Variants in PELI1 observed in about 807,000 individuals in gnomAD.
PELI1 encodes E3 ubiquitin-protein ligase pellino homolog 1.
Under a neutral mutation model 41.3 loss-of-function variants are expected in PELI1, and 15 were observed. The ratio of observed to expected loss-of-function variants is 0.36; its 90% CI spans 0.24 to 0.56. The LOEUF is 0.56. Ranked by LOEUF, PELI1 falls within the 20% of genes least tolerant of loss-of-function variation. The probability of loss-of-function intolerance (pLI) is 0.82; values close to 1 mark genes in which losing one functional copy is unlikely to be tolerated. For synonymous variants in PELI1, 178 were observed against 180.1 expected (o/e 0.99, Z 0.09); for missense variants, 403 against 525.5 (o/e 0.77, Z 2.28).
chr2:64,111,559 G>A (rs1004058002), intron 1 of PELI1, among the ~76,000 whole-genome samples: 19 of 151,890 alleles, frequency 1.3e-4, no homozygotes, highest in African/African-American at 2.4e-4. Context: ...AATTCATTAC[G>A]GTATTTAAAA....
intron 1 of PELI1, among the ~76,000 whole-genome samples, chr2:64,142,656 A>C (rs1470522804): frequency 6.6e-6 from 1 of 152,240 alleles, no homozygotes; most frequent in African/African-American, 2.4e-5. Flanking sequence ...AGACATGTAA[A>C]TCTTATCACT....
chr2:64,126,485 G>T (rs1050357927), intron 1 of PELI1, among the ~76,000 whole-genome samples: 1 of 152,092 alleles, frequency 6.6e-6, no homozygotes, highest in African/African-American at 2.4e-5. Context: ...TTAATTTAGT[G>T]CATCTAGAGT....
In PELI1 at chr2:64,096,743, T is replaced by C. The variant is rs1443461414; in HGVS notation, c.304-133A>G. 4 of 606,534 alleles carry C rather than the reference T, an allele frequency of 6.6e-6. No individual in the cohort carries two copies. In the Admixed American group the frequency reaches 1.2e-4, roughly 18 times the overall value. 37.6% of individuals were successfully genotyped at this position (606,534 alleles called of 1,614,324 possible). ...AGTTGAAGTTTACCATACTTAACGC[T>C]GGGGGCATCTATACTCTTGAAAACT... On this transcript the variant is annotated intron_variant, in intron 4 of 6. Coordinates refer to ENST00000358912, the MANE Select transcript of PELI1 (RefSeq NM_020651.4).
rs1576080092 is a variant in PELI1 at position 64,109,704 on chromosome 2, A to C, written c.-69-1325T>G. Among the ~76,000 whole-genome samples, 4 of 152,268 alleles carry C rather than the reference A, an allele frequency of 2.6e-5. No individual in the cohort carries two copies. In the South Asian group the frequency reaches 8.3e-4, roughly 32 times the overall value. On this transcript the variant is annotated intron_variant, in intron 1 of 6. Coordinates refer to ENST00000358912, the MANE Select transcript of PELI1 (RefSeq NM_020651.4). ...TCAAAACAAAAACAGAAACAAAAAC[A>C]AAAACAATGCAAAAGATAATCAATA...
chr2:64,137,192 C>T (rs1681744801), intron 1 of PELI1, among the ~76,000 whole-genome samples: 2 of 152,084 alleles, frequency 1.3e-5, no homozygotes. Context: ...TTTTCCTATG[C>T]CTTTTTTAAT....
At chr2:64,119,200 T>C (rs1681121770) in intron 1 of PELI1, among the ~76,000 whole-genome samples, 2 of 152,116 alleles carry the variant, frequency 1.3e-5, no homozygotes, top group Non-Finnish European at 2.9e-5. Flanking sequence ...TTCCCTAAGA[T>C]GGAAGGAAAT....
chr2:64,129,105 C>T (rs1681474930), intron 1 of PELI1, among the ~76,000 whole-genome samples: 1 of 152,102 alleles, frequency 6.6e-6, no homozygotes, highest in Admixed American at 6.5e-5. Context: ...TGACCATTTG[C>T]CAAAGTGCCA....
At chr2:64,110,254 A>G (rs907026458) in intron 1 of PELI1, among the ~76,000 whole-genome samples, 28 of 129,536 alleles carry the variant, frequency 2.2e-4, no homozygotes, top group Non-Finnish European at 2.7e-4. Flanking sequence ...CAAGAAAAAA[A>G]AAAAAAAAAA....
At chr2:64,114,639 A>G (rs922277279) in intron 1 of PELI1, among the ~76,000 whole-genome samples, 3 of 152,222 alleles carry the variant, frequency 2.0e-5, no homozygotes, top group African/African-American at 7.2e-5. Flanking sequence ...AGGAGTTAAC[A>G]TCTTTCCTAG....
chr2:64,109,089 G>C (rs950009642), intron 1 of PELI1, among the ~76,000 whole-genome samples: 2 of 152,162 alleles, frequency 1.3e-5, no homozygotes, highest in Admixed American at 6.6e-5. Flanking sequence ...CTTTCACCCT[G>C]ATGGCCGGGC....
chr2:64,110,466 C>A (rs769564194), intron 1 of PELI1, among the ~76,000 whole-genome samples: 3 of 151,848 alleles, frequency 2.0e-5, no homozygotes, highest in South Asian at 2.1e-4. Flanking sequence ...TACCAGCAGA[C>A]CCACTATAAA....
chr2:64,098,115 G>A (rs762332550), intron 4 of PELI1, among the ~76,000 whole-genome samples: 2 of 152,114 alleles, frequency 1.3e-5, no homozygotes, highest in Non-Finnish European at 2.9e-5. Flanking sequence ...AGACACTGAA[G>A]CAATATTTGT....
chr2:64,137,454 T>C (rs1269145790), intron 1 of PELI1, among the ~76,000 whole-genome samples: 1 of 152,174 alleles, frequency 6.6e-6, no homozygotes, highest in African/African-American at 2.4e-5. Context: ...GTTTTGATAC[T>C]TAGTATTAAG....
At chr2:64,136,852 G>A (rs747854871) in intron 1 of PELI1, among the ~76,000 whole-genome samples, 7 of 152,164 alleles carry the variant, frequency 4.6e-5, no homozygotes, top group African/African-American at 9.7e-5. Flanking sequence ...GCAGTGAGCC[G>A]AGATTGTGCC....
intron 2 of PELI1, among the ~76,000 whole-genome samples, chr2:64,107,711 T>G (rs915591040): frequency 1.3e-5 from 2 of 151,972 alleles, no homozygotes; most frequent in Admixed American, 1.3e-4. Context: ...AGAGTCTTAC[T>G]CTGTTGCCCA....
At chr2:64,118,234 C>A (rs781107918) in intron 1 of PELI1, among the ~76,000 whole-genome samples, 2 of 152,106 alleles carry the variant, frequency 1.3e-5, no homozygotes, top group African/African-American at 4.8e-5. Flanking sequence ...CCTCTTTATC[C>A]ACTCTTGATT....
chr2:64,101,291 A>G (rs1405161306), intron 3 of PELI1, among the ~76,000 whole-genome samples: 1 of 151,896 alleles, frequency 6.6e-6, no homozygotes, highest in Non-Finnish European at 1.5e-5. Context: ...AGAAAAATGC[A>G]TTTGGGATTT....
chr2:64,123,370 T>C (rs1339734591), intron 1 of PELI1, among the ~76,000 whole-genome samples: 1 of 152,328 alleles, frequency 6.6e-6, no homozygotes, highest in African/African-American at 2.4e-5. Context: ...GTATCAAAAG[T>C]ACTGCCATAG....
chr2:64,119,268 A>C (rs1279980947), intron 1 of PELI1, among the ~76,000 whole-genome samples: 1 of 152,242 alleles, frequency 6.6e-6, no homozygotes, highest in Non-Finnish European at 1.5e-5. Flanking sequence ...GTGAAAAGTT[A>C]AATAGAAAAG....
Sources: gnomAD v4.1 joint callset for allele counts (sites outside exome capture counted in the v4.1 genomes callset) on GRCh38, gnomAD v4.1.1 for gene constraint, MANE v1.5 for transcripts, NCBI Gene and HGNC (gene_info 2026-07-23, HGNC 2026-07-21) for gene names.